The following NRXN1 variants were observed in gnomAD, a reference collection of about 807,000 sequenced individuals.
NRXN1 encodes neurexin-1.
NRXN1 carries 39 observed loss-of-function variants against 150.9 expected under a neutral mutation model. The ratio of observed to expected loss-of-function variants is 0.26; its 90% CI spans 0.20 to 0.34. NRXN1 has a LOEUF of 0.34. Ranked by LOEUF, NRXN1 falls within the 10% of genes least tolerant of loss-of-function variation. The probability of loss-of-function intolerance (pLI) is 1.00; values close to 1 mark genes in which losing one functional copy is unlikely to be tolerated. For missense variants in NRXN1, 1,815 were observed against 1,949.9 expected (o/e 0.93, Z 1.30); for synonymous variants, 924 against 757.0 (o/e 1.22, Z -3.62).
At chr2:50,340,710 A>G (rs2077487038) in intron 17 of NRXN1, among the ~76,000 whole-genome samples, 1 of 152,174 alleles carries the variant, frequency 6.6e-6, no homozygotes. Context: ...TGCTAGTCCA[A>G]TTTAAAAAAA....
intron 17 of NRXN1, among the ~76,000 whole-genome samples, chr2:50,352,201 A>G (rs2078459895): frequency 6.6e-6 from 1 of 152,190 alleles, no homozygotes; most frequent in African/African-American, 2.4e-5. Flanking sequence ...TTGAAAGTTG[A>G]GAGGAAAACA....
chr2:50,769,350 G>GCA (rs1702738194), intron 5 of NRXN1, among the ~76,000 whole-genome samples: 1 of 152,022 alleles, frequency 6.6e-6, no homozygotes, highest in East Asian at 1.9e-4. Flanking sequence ...AAAGAAACCT[G>GCA]CTGTCTCTCT....
intron 2 of NRXN1, among the ~76,000 whole-genome samples, chr2:50,978,875 T>G (rs941966302): frequency 6.6e-6 from 1 of 152,080 alleles, no homozygotes; most frequent in African/African-American, 2.4e-5. Flanking sequence ...TAATGCTCTG[T>G]GTGAGATAAC....
At chr2:50,151,290 C>T (rs2058680869) in intron 18 of NRXN1, among the ~76,000 whole-genome samples, 1 of 151,644 alleles carries the variant, frequency 6.6e-6, no homozygotes, top group East Asian at 1.9e-4. Flanking sequence ...CTGACAGTTA[C>T]AAACCAAACA....
chr2:50,388,496 T>C (rs1384985337), intron 17 of NRXN1, among the ~76,000 whole-genome samples: 2 of 152,138 alleles, frequency 1.3e-5, no homozygotes, highest in African/African-American at 4.8e-5. Context: ...TTTATCTTTA[T>C]TGCCCTGTAT....
intron 8 of NRXN1, among the ~76,000 whole-genome samples, chr2:50,562,956 G>A (rs538451435): frequency 4.6e-5 from 7 of 151,816 alleles, no homozygotes; most frequent in South Asian, 2.1e-4. Context: ...ATGTTTATAC[G>A]TTATAAACAT....
At position 50,724,266 on chromosome 2, in the gene NRXN1, A is replaced by C. The variant is rs181736701; in HGVS notation, c.833-100651T>G. ...CAGTACTATATAAGGTGCTTTAATC[A>C]TCCTAATGAAGGAAATGAAGATGAT... On this transcript the variant is annotated intron_variant, in intron 5 of 22. Transcript: ENST00000401669. 8.8e-4 allele frequency among the ~76,000 whole-genome samples: 134 copies of C among 152,318 alleles called. 1 individual carries two copies. The highest frequency in any genetic ancestry group is 3.0e-3 in the African/African-American group (126 of 41,574).
At chr2:50,340,154 A>G (rs1409379357) in intron 17 of NRXN1, among the ~76,000 whole-genome samples, 1 of 152,206 alleles carries the variant, frequency 6.6e-6, no homozygotes, top group African/African-American at 2.4e-5. Flanking sequence ...CGTGGTTGTG[A>G]TGATGATTAA....
intron 17 of NRXN1, among the ~76,000 whole-genome samples, chr2:50,416,030 A>G (rs1456576615): frequency 6.6e-6 from 1 of 151,492 alleles, no homozygotes; most frequent in Non-Finnish European, 1.5e-5. Flanking sequence ...AGTACCTCCT[A>G]TATGGTAGCC....
rs575292284 is a variant in NRXN1 at position 50,026,193 on chromosome 2, G to GA, written c.4128+27077dup. 3.9e-5 allele frequency among the ~76,000 whole-genome samples: 6 copies of GA among 152,214 alleles called. No homozygotes were observed. In the East Asian group the frequency reaches 1.2e-3, roughly 29 times the overall value. On this transcript the variant is annotated intron_variant, in intron 21 of 22. Coordinates refer to ENST00000401669, the MANE Select transcript of NRXN1 (RefSeq NM_001330078.2). ...AGTCCGGACTCTGTCTACAAGAGTA[G>GA]AAAAAATCCACTAGATTTTTAATTC...
chr2:50,479,055 C>T (rs2090228440), intron 15 of NRXN1, among the ~76,000 whole-genome samples: 1 of 152,184 alleles, frequency 6.6e-6, no homozygotes, highest in African/African-American at 2.4e-5. Flanking sequence ...TCTTCAATAC[C>T]TTTCTGTATC....
In NRXN1 at chr2:50,838,596, C is replaced by A. The variant is rs187122606; in HGVS notation, c.832+83273G>T. On this transcript the variant is annotated intron_variant, in intron 5 of 22. Coordinates refer to ENST00000401669, the MANE Select transcript of NRXN1 (RefSeq NM_001330078.2). ...GGCTCCAATCCAGTATGACTGGCGT[C>A]TTTATAAAAAGGTGAAATTTGGTCA... Among the ~76,000 whole-genome samples, 250 of 152,090 alleles carry A rather than the reference C, an allele frequency of 1.6e-3. 4 individuals carry two copies. The highest frequency in any genetic ancestry group is 6.8e-3 in the South Asian group (33 of 4,824).
At chr2:50,374,012 G>A (rs910594728) in intron 17 of NRXN1, among the ~76,000 whole-genome samples, 62 of 151,972 alleles carry the variant, frequency 4.1e-4, no homozygotes, top group African/African-American at 1.4e-3. Context: ...AGAATTGCAC[G>A]ATGGAGGCTG....
intron 5 of NRXN1, among the ~76,000 whole-genome samples, chr2:50,890,246 T>C (rs1221663606): frequency 1.3e-5 from 2 of 151,860 alleles, no homozygotes; most frequent in Non-Finnish European, 2.9e-5. Flanking sequence ...TTAGAATTCC[T>C]TGTAAAAGGT....
intron 5 of NRXN1, among the ~76,000 whole-genome samples, chr2:50,764,013 C>T (rs1057154928): frequency 4.7e-5 from 7 of 148,740 alleles, no homozygotes; most frequent in Admixed American, 2.0e-4. Flanking sequence ...GTGACACATC[C>T]GTTGGCCCTT....
At chr2:49,989,314 G>C (rs1379526992) in intron 21 of NRXN1, among the ~76,000 whole-genome samples, 2 of 152,132 alleles carry the variant, frequency 1.3e-5, no homozygotes, top group Non-Finnish European at 2.9e-5. Context: ...TATCAAAGAA[G>C]TCATTCAACA....
intron 5 of NRXN1, among the ~76,000 whole-genome samples, chr2:50,663,346 C>T (rs1006528115): frequency 1.3e-5 from 2 of 151,940 alleles, no homozygotes; most frequent in African/African-American, 4.8e-5. Context: ...GGGAAATTAA[C>T]CTTCGGACTC....
chr2:49,943,615 A>G (rs147017418), intron 22 of NRXN1, 89 bp downstream of exon 22: 106 of 830,488 alleles, frequency 1.3e-4, no homozygotes, highest in South Asian at 9.6e-4. Flanking sequence ...GTAGCCTTCT[A>G]TACATGAATA....
intron 21 of NRXN1, among the ~76,000 whole-genome samples, chr2:49,988,823 T>C (rs1415367311): frequency 6.6e-6 from 1 of 152,204 alleles, no homozygotes; most frequent in East Asian, 1.9e-4. Flanking sequence ...TACCATTACA[T>C]AGCAGAGTTA....
Sources: gnomAD v4.1 joint callset for allele counts (sites outside exome capture counted in the v4.1 genomes callset) on GRCh38, gnomAD v4.1.1 for gene constraint, MANE v1.5 for transcripts, NCBI Gene and HGNC (gene_info 2026-07-23, HGNC 2026-07-21) for gene names.